The following TTI1 variants were observed in gnomAD, a reference collection of about 807,000 sequenced individuals.
TTI1 encodes TELO2 interacting protein 1.
In TTI1, 52 loss-of-function variants were observed where a neutral mutation model predicts 85.4. The observed-to-expected ratio is 0.61, with a 90% confidence interval of 0.49 to 0.77. The LOEUF is 0.77. Ranked by LOEUF, TTI1 falls within the 30% of genes least tolerant of loss-of-function variation. The pLI is 0.00. For missense variants in TTI1, 1,173 were observed against 1,296.0 expected, an observed-to-expected ratio of 0.91 and a Z score of 1.46; for synonymous variants, 512 against 503.9, an observed-to-expected ratio of 1.02 and a Z score of -0.22.
At chr20:38,013,992 A>G in intron 1 of TTI1, 135 bp from the exon 2 acceptor site, 1 of 805,658 alleles carries the variant, frequency 1.2e-6, no homozygotes, top group Non-Finnish European at 1.9e-6. Context: ...GGGTGCAATG[A>G]AACTGAGCCC....
chr20:38,020,320 AAAAATAT>A (rs1467694252), intron 1 of TTI1, among the ~76,000 whole-genome samples: 25 of 80,268 alleles, frequency 3.1e-4, no homozygotes, highest in African/African-American at 1.3e-3. Flanking sequence ...GAAAAAAAAA[AAAAATAT>A]ATATATATAT....
At chr20:38,028,301 T>A (rs962557716) in intron 1 of TTI1, among the ~76,000 whole-genome samples, 9 of 152,194 alleles carry the variant, frequency 5.9e-5, no homozygotes, top group Admixed American at 3.3e-4. Flanking sequence ...TGCAGAATTA[T>A]AGAGGCTGAT....
At chr20:37,998,259 A>G (rs533862258) in intron 5 of TTI1, among the ~76,000 whole-genome samples, 2 of 152,042 alleles carry the variant, frequency 1.3e-5, no homozygotes, top group South Asian at 4.2e-4. Context: ...ACACATACAT[A>G]CACACACACA....
At chr20:38,007,111 T>C (rs1022725416) in intron 2 of TTI1, among the ~76,000 whole-genome samples, 1 of 152,218 alleles carries the variant, frequency 6.6e-6, no homozygotes, top group Non-Finnish European at 1.5e-5. Flanking sequence ...CCTACAAAGA[T>C]ATTGGGTGCT....
Position 38,012,506 on chromosome 20 carries a change from C to G in TTI1, c.1311G>C (p.Glu437Asp). ...CAATCTTGATGTCAGCCACGTCTAG[C>G]TCTAGAACTTGGATGAGTGCTTTGG... ...RLSKALIQVL[E>D]LDVADIKIVE... The change falls in exon 2 of 8, where the codon GAG (glutamate) becomes GAC (aspartate). Residue 437 changes from glutamate to aspartate, a missense_variant. Coordinates refer to ENST00000373447, the MANE Select transcript of TTI1 (RefSeq NM_001303457.2). The G allele has an allele frequency of 6.2e-7, 1 of 1,614,222 alleles. No homozygotes were observed. Among genetic ancestry groups the G allele is most frequent in the Non-Finnish European group, 8.5e-7 (1 of 1,180,046 alleles).
intron 7 of TTI1, among the ~76,000 whole-genome samples, chr20:37,991,566 C>G (rs2073265587): frequency 6.6e-6 from 1 of 152,222 alleles, no homozygotes; most frequent in Admixed American, 6.5e-5. Flanking sequence ...CCGGTCCTGA[C>G]TTCTGCAAAC....
Position 38,012,212 on chromosome 20 carries a change from C to T in TTI1, c.1605G>A (p.Gly535=). ...TTTCGTGAAGATCCTCAACCTCCAG[C>T]CCAGCAGCCCCTGTAACCAGTTCAT... ...ILNELVTGAA[G]LEVEDLHEKH... is the part of the protein sequence containing the mutation. The change falls in exon 2 of 8, where the codon GGG becomes GGA. Residue 535 remains glycine, a synonymous_variant. Transcript: ENST00000373447. 6.2e-7 allele frequency: 1 copy of T among 1,614,190 alleles called. No homozygotes were observed. Among genetic ancestry groups the T allele is most frequent in the Non-Finnish European group, 8.5e-7 (1 of 1,180,046 alleles).
intron 1 of TTI1, among the ~76,000 whole-genome samples, chr20:38,015,821 G>A (rs534459435): frequency 1.3e-5 from 2 of 152,290 alleles, no homozygotes; most frequent in South Asian, 2.1e-4. Flanking sequence ...ACCCAAAGCA[G>A]GGATGCAGAG....
intron 1 of TTI1, among the ~76,000 whole-genome samples, chr20:38,021,635 T>C (rs1236022538): frequency 6.6e-6 from 1 of 152,186 alleles, no homozygotes; most frequent in Non-Finnish European, 1.5e-5. Flanking sequence ...AATGGACACC[T>C]AATCCCTTTC....
At chr20:37,999,042 T>C in intron 5 of TTI1, 146 bp downstream of exon 5, 1 of 993,678 alleles carries the variant, frequency 1.0e-6, no homozygotes. Flanking sequence ...TACTTTCTTC[T>C]TTGTGCTTTT....
intron 7 of TTI1, among the ~76,000 whole-genome samples, chr20:37,994,810 C>G (rs1018469011): frequency 3.0e-4 from 46 of 152,106 alleles, no homozygotes; most frequent in African/African-American, 1.1e-3. Flanking sequence ...TCCCTGAACA[C>G]CAGCTCAAGA....
intron 7 of TTI1, among the ~76,000 whole-genome samples, chr20:37,994,829 G>C (rs1326477368): frequency 1.3e-5 from 2 of 152,092 alleles, no homozygotes; most frequent in East Asian, 3.9e-4. Flanking sequence ...GATTCAGCAA[G>C]GTCCAATTCC....
rs1014427816 is a variant in TTI1, at chr20:38,012,841, C to A, written c.976G>T (p.Val326Phe). ...DLLLKCSQSL[V>F]ECAGPLLKAL... The stretch of plus-strand genomic sequence containing the variant: ...TTCAGAAGGGGACCAGCACATTCGA[C>A]CAATGATTGACTGCACTTCAAAAGA... Residue 326 changes from valine to phenylalanine, a missense_variant, in exon 2 of 8, where the codon GTC (valine) becomes TTC (phenylalanine). Coordinates refer to ENST00000373447, the MANE Select transcript of TTI1 (RefSeq NM_001303457.2). The A allele has an allele frequency of 2.5e-6, 4 of 1,614,170 alleles. No individual in the cohort carries two copies. In the African/African-American group the frequency reaches 5.3e-5, roughly 22 times the overall value.
intron 4 of TTI1, 145 bp from the exon 5 acceptor site, chr20:37,999,473 A>G (rs2073390092): frequency 1.1e-6 from 1 of 871,426 alleles, no homozygotes; most frequent in Non-Finnish European, 1.5e-6. Context: ...AGCACTAGCT[A>G]GGTACTGAGG....
chr20:38,025,150 TAGACTAAACAGCCTAAAC>T (rs1343660460), intron 1 of TTI1, among the ~76,000 whole-genome samples: 5 of 152,168 alleles, frequency 3.3e-5, no homozygotes. Context: ...GTCTAAACAT[TAGACTAAACAGCCTAAAC>T]AGACAAAACA....
chr20:37,988,825 G>C (rs2073225396), intron 7 of TTI1, among the ~76,000 whole-genome samples: 1 of 152,100 alleles, frequency 6.6e-6, no homozygotes, highest in African/African-American at 2.4e-5. Flanking sequence ...AAGTTATTTT[G>C]GTGTTCCCGT....
chr20:37,997,507 T>C (rs953488887), intron 5 of TTI1, among the ~76,000 whole-genome samples: 4 of 151,764 alleles, frequency 2.6e-5, no homozygotes, highest in African/African-American at 9.7e-5. Context: ...CAATCTCTTA[T>C]GCACATCACC....
intron 1 of TTI1, among the ~76,000 whole-genome samples, chr20:38,016,290 T>A (rs1292844747): frequency 6.6e-6 from 1 of 152,210 alleles, no homozygotes; most frequent in Non-Finnish European, 1.5e-5. Context: ...TTTCTTCAAA[T>A]ACAATGTTTA....
At chr20:38,029,397 A>G (rs1021621396) in intron 1 of TTI1, among the ~76,000 whole-genome samples, 2 of 152,086 alleles carry the variant, frequency 1.3e-5, no homozygotes, top group Admixed American at 1.3e-4. Context: ...TACCACAAGA[A>G]CCTAGACAAA....
Sources: allele counts gnomAD v4.1 joint callset (sites outside exome capture counted in the v4.1 genomes callset), GRCh38; gene constraint gnomAD v4.1.1; transcripts MANE v1.5; gene names NCBI Gene and HGNC (gene_info 2026-07-23, HGNC 2026-07-21).